GOLGA1: variants seen among roughly 807,000 people sequenced by gnomAD.
GOLGA1 encodes golgin A1.
GOLGA1 carries 63 observed loss-of-function variants against 119.7 expected under a neutral mutation model. That is an observed-to-expected ratio of 0.53 (90% CI 0.43 to 0.65). The LOEUF is 0.65. GOLGA1 is among the 30% of genes least tolerant of loss of function. The probability of loss-of-function intolerance (pLI) is 0.00; values close to 1 mark genes in which losing one functional copy is unlikely to be tolerated. For synonymous variants in GOLGA1, 318 were observed against 333.4 expected (o/e 0.95, Z 0.50); for missense variants, 798 against 912.8 (o/e 0.87, Z 1.62).
intron 17 of GOLGA1, 39 bp from the exon 18 acceptor site, chr9:124,889,342 G>A: frequency 6.2e-7 from 1 of 1,607,962 alleles, no homozygotes; most frequent in Non-Finnish European, 8.5e-7. Flanking sequence ...TGTGAGCCCA[G>A]TGACTCCATG....
At chr9:124,919,265 AAAAAAAGAAAAG>A (rs1830515994) in intron 10 of GOLGA1, among the ~76,000 whole-genome samples, 1 of 152,126 alleles carries the variant, frequency 6.6e-6, no homozygotes, top group South Asian at 2.1e-4. Flanking sequence ...AAAAAAAAGA[AAAAAAAGAAAAG>A]AAAAAAGAAA....
chr9:124,921,261 C>A (rs1469425422), intron 9 of GOLGA1, 21 bp from the exon 10 acceptor site: 3 of 1,426,340 alleles, frequency 2.1e-6, no homozygotes, highest in Admixed American at 3.4e-5. Context: ...AGAAAGCAGA[C>A]AATGAACAAA....
chr9:124,929,429 A>G, intron 4 of GOLGA1, 139 bp from the exon 5 acceptor site: 2 of 666,864 alleles, frequency 3.0e-6, no homozygotes, highest in East Asian at 5.4e-5. Flanking sequence ...CTAGACAGAC[A>G]GCCTCCCATT....
At position 124,912,035 on chromosome 9, in the gene GOLGA1, G is replaced by A. The variant is rs779758583; in HGVS notation, c.844-9C>T. The A allele has an allele frequency of 8.6e-5, 139 of 1,611,768 alleles. No homozygotes were observed. Among genetic ancestry groups the A allele is most frequent in the Non-Finnish European group, 1.1e-4 (135 of 1,178,606 alleles). On this transcript the variant is annotated splice_polypyrimidine_tract_variant and intron_variant, in intron 10 of 22. Coordinates refer to ENST00000373555, the MANE Select transcript of GOLGA1 (RefSeq NM_002077.4). Reference sequence around the variant, plus strand: ...TGAGTTTCAGCAGTGACCTGCAGGTGAAAGCAGAGATCACTCTATACTAGA... The same window carrying A: ...TGAGTTTCAGCAGTGACCTGCAGGTAAAAGCAGAGATCACTCTATACTAGA...
intron 5 of GOLGA1, 69 bp from the exon 6 acceptor site, chr9:124,928,354 G>T: frequency 1.3e-6 from 1 of 742,822 alleles, no homozygotes; most frequent in South Asian, 1.7e-5. Context: ...TAGCCCATGT[G>T]ATTACAACTG....
At chr9:124,930,969 T>C (rs7024526) in intron 4 of GOLGA1, among the ~76,000 whole-genome samples, 95,772 of 152,084 alleles carry the variant, frequency 0.63, 30,799 homozygotes, top group African/African-American at 0.71. Flanking sequence ...CAATATCTGT[T>C]GGCCATTCCC....
At chr9:124,901,657 G>A (rs186451355) in intron 12 of GOLGA1, among the ~76,000 whole-genome samples, 39 of 152,122 alleles carry the variant, frequency 2.6e-4, no homozygotes, top group African/African-American at 8.0e-4. Flanking sequence ...GGATGGTCTC[G>A]ATCTGCTGAC....
chr9:124,882,547 C>T lies in GOLGA1; in HGVS notation c.1928G>A (p.Arg643Gln), dbSNP rs758532597. ...KNKTIKQMQQ[R>Q]MLELRKTLQK... ...CAGAGTCTTCCGGAGCTCCAGCATC[C>T]GCTGCTGCATCTGCTTTATGGTCTG... is the stretch of plus-strand genomic sequence containing the variant. The change falls in exon 20 of 23, where the codon CGG becomes CAG. Residue 643 changes from arginine to glutamine, a missense_variant. By Grantham distance (43) the Arg-to-Gln change is conservative (BLOSUM62 1). Transcript: ENST00000373555. 7 of 1,612,612 alleles carry T rather than the reference C, an allele frequency of 4.3e-6. No homozygotes were observed. Among genetic ancestry groups the T allele is most frequent in the South Asian group, 2.2e-5 (2 of 91,014 alleles).
intron 3 of GOLGA1, among the ~76,000 whole-genome samples, chr9:124,932,363 C>T (rs1830785029): frequency 6.6e-6 from 1 of 152,196 alleles, no homozygotes; most frequent in Non-Finnish European, 1.5e-5. Flanking sequence ...ATCTACATGT[C>T]CAGCCACTTG....
chr9:124,885,582 G>A lies in GOLGA1; in HGVS notation c.1905+2671C>T, dbSNP rs552986297. Among the ~76,000 whole-genome samples the A allele has an allele frequency of 4.6e-5, 7 of 151,424 alleles. No individual in the cohort carries two copies. In the East Asian group the frequency reaches 1.4e-3, roughly 29 times the overall value. ...AGGCAGCATGGTGAGGGAGGGTGGG[G>A]TTCTGGTGGTGAGGCTGGTCAGGGT... On this transcript the variant is annotated intron_variant, in intron 19 of 22. Transcript: ENST00000373555.
rs768981360 is a variant in GOLGA1 at position 124,890,520 on chromosome 9, A to G, written c.1408-42T>C. 1.1e-5 allele frequency: 16 copies of G among 1,469,850 alleles called. No homozygotes were observed. In the South Asian group the frequency reaches 1.6e-4, roughly 15 times the overall value. The allele number at this position is 1,469,850 out of a possible 1,614,324, so 91.1% of individuals were successfully genotyped here. A position where few individuals can be genotyped will look rare whatever the true frequency, so the allele number is the denominator to read the frequency against. On this transcript the variant is annotated intron_variant, in intron 15 of 22. Coordinates refer to ENST00000373555, the MANE Select transcript of GOLGA1 (RefSeq NM_002077.4). ...CACTGAGCCCCAAAACTTAGTTCAC[A>G]GTTTTTTAGCTGTATGCCACGCAAG...
In GOLGA1 at chr9:124,912,301, T is replaced by C. The variant is rs564444859; in HGVS notation, c.844-275A>G. Among the ~76,000 whole-genome samples the C allele has an allele frequency of 5.9e-5, 9 of 152,164 alleles. 1 individual carries two copies. The East Asian group carries it at 1.7e-3, about 29-fold the overall frequency. On this transcript the variant is annotated intron_variant, in intron 10 of 22. Coordinates refer to ENST00000373555, the MANE Select transcript of GOLGA1 (RefSeq NM_002077.4). ...TGGAACAAAGGCATTACCTACGTGG[T>C]AGAGGCAGCAGAACTAATCCCACCA...
In GOLGA1 at chr9:124,922,885, A is replaced by C. The variant is rs763261254; in HGVS notation, c.561+210T>G. Among the ~76,000 whole-genome samples, 78 of 152,136 alleles carry C rather than the reference A, an allele frequency of 5.1e-4. 1 individual carries two copies. The highest frequency in any genetic ancestry group is 1.3e-3 in the Admixed American group (20 of 15,260). On this transcript the variant is annotated intron_variant, in intron 8 of 22. Transcript: ENST00000373555. ...AAAACAAAACAAAACAAAACAAAAC[A>C]AAACCCAAAACAAAACAGAAAAAGA...
In GOLGA1 at chr9:124,921,683, T is replaced by G. The variant is rs774872974; in HGVS notation, c.731+40A>C. The G allele has an allele frequency of 7.9e-6, 12 of 1,527,248 alleles. No homozygotes were observed. In the African/African-American group the frequency reaches 1.4e-4, roughly 18 times the overall value. 94.6% of individuals were successfully genotyped at this position (1,527,248 alleles called of 1,614,324 possible). The stretch of plus-strand genomic sequence containing the variant: ...GGGCAGGCTATAGCCAGAACTACAC[T>G]AACACCTCTTCCCAAGGGCCCCACA... On this transcript the variant is annotated intron_variant, in intron 9 of 22. Coordinates refer to ENST00000373555, the MANE Select transcript of GOLGA1 (RefSeq NM_002077.4).
At chr9:124,923,332 C>T (rs1830608231) in intron 7 of GOLGA1, 109 bp from the exon 8 acceptor site, 1 of 863,034 alleles carries the variant, frequency 1.2e-6, no homozygotes, top group Non-Finnish European at 1.8e-6. Context: ...GAGACAGAGT[C>T]TCACTAGTTG....
Position 124,889,322 on chromosome 9 carries a change from GA to G in GOLGA1, c.1601-20del. The G allele has an allele frequency of 6.2e-7, 1 of 1,612,002 alleles. No individual in the cohort carries two copies. Among genetic ancestry groups the G allele is most frequent in the South Asian group, 1.1e-5 (1 of 90,954 alleles). On this transcript the variant is annotated intron_variant, in intron 17 of 22. Transcript: ENST00000373555. ...TTGTGACCTAGGTCGGGGAGGAGGG[GA>G]GGGGGCACTGTGAGCCCAGTGACTC...
intron 14 of GOLGA1, 82 bp from the exon 15 acceptor site, chr9:124,898,726 G>A (rs2131405084): frequency 2.5e-6 from 2 of 801,496 alleles, no homozygotes; most frequent in Non-Finnish European, 4.3e-6. Context: ...CCAGGAAGAA[G>A]GCATAGGGAG....
intron 15 of GOLGA1, among the ~76,000 whole-genome samples, chr9:124,894,299 T>C (rs1443022412): frequency 6.6e-6 from 1 of 152,200 alleles, no homozygotes; most frequent in Non-Finnish European, 1.5e-5. Flanking sequence ...TGGCCTCTTT[T>C]CTATCTGCAC....
chr9:124,907,247 A>G (rs1830253016), intron 12 of GOLGA1, among the ~76,000 whole-genome samples: 1 of 152,226 alleles, frequency 6.6e-6, no homozygotes, highest in South Asian at 2.1e-4. Context: ...TCAATTCAGA[A>G]AGGACAGACT....
Sources: gnomAD v4.1 joint callset for allele counts (sites outside exome capture counted in the v4.1 genomes callset) on GRCh38, gnomAD v4.1.1 for gene constraint, MANE v1.5 for transcripts, NCBI Gene and HGNC (gene_info 2026-07-23, HGNC 2026-07-21) for gene names.